SMOC1: variants seen among roughly 807,000 people sequenced by gnomAD.
The protein encoded by SMOC1 is SPARC-related modular calcium-binding protein 1.
A neutral mutation model predicts 56.3 loss-of-function variants in SMOC1; 22 were observed. That is an observed-to-expected ratio of 0.39 (90% confidence interval 0.28 to 0.56). The LOEUF (loss-of-function observed/expected upper bound fraction) is 0.56. Among genes scored for constraint, SMOC1 ranks in the 20% least tolerant of loss-of-function variants. SMOC1 has a pLI of 0.61. For synonymous variants in SMOC1, 193 were observed against 215.0 expected (o/e 0.90, Z 0.89); for missense variants, 509 against 565.4 (o/e 0.90, Z 1.01).
At chr14:69,890,184 G>C (rs1239662661) in intron 1 of SMOC1, among the ~76,000 whole-genome samples, 2 of 152,174 alleles carry the variant, frequency 1.3e-5, no homozygotes, top group African/African-American at 4.8e-5. Flanking sequence ...TTTAGGGTAG[G>C]AGCCTCTTAA....
At chr14:69,894,136 A>G (rs968703336) in intron 1 of SMOC1, among the ~76,000 whole-genome samples, 6 of 152,196 alleles carry the variant, frequency 3.9e-5, no homozygotes, top group African/African-American at 1.4e-4. Context: ...TAATACAGTG[A>G]CTTTTAGAGG....
chr14:69,970,288 T>C (rs1345732947), intron 3 of SMOC1, among the ~76,000 whole-genome samples: 2 of 152,208 alleles, frequency 1.3e-5, no homozygotes, highest in Non-Finnish European at 1.5e-5. Flanking sequence ...TCCTCCTTCC[T>C]TGAGGTCTGA....
At chr14:69,886,295 A>G (rs1051987731) in intron 1 of SMOC1, among the ~76,000 whole-genome samples, 5 of 152,226 alleles carry the variant, frequency 3.3e-5, no homozygotes. Context: ...CATTTCATGC[A>G]TGATCTGTTT....
At chr14:69,985,677 T>C (rs1884339057) in intron 5 of SMOC1, among the ~76,000 whole-genome samples, 1 of 152,232 alleles carries the variant, frequency 6.6e-6, no homozygotes, top group African/African-American at 2.4e-5. Context: ...CCCTCCCATC[T>C]GGGATGTGAA....
At chr14:69,951,560 G>A (rs1882995973) in intron 1 of SMOC1, among the ~76,000 whole-genome samples, 1 of 152,138 alleles carries the variant, frequency 6.6e-6, no homozygotes, top group African/African-American at 2.4e-5. Flanking sequence ...CCAGAGAGAG[G>A]TGGGCAAAAA....
chr14:69,960,355 G>A (rs931769037), intron 3 of SMOC1, among the ~76,000 whole-genome samples: 1 of 152,180 alleles, frequency 6.6e-6, no homozygotes, highest in Non-Finnish European at 1.5e-5. Flanking sequence ...ATGTTTCCAA[G>A]CTTCTTCAGC....
intron 6 of SMOC1, among the ~76,000 whole-genome samples, chr14:69,993,953 G>C (rs1480608696): frequency 6.6e-6 from 1 of 152,196 alleles, no homozygotes; most frequent in Admixed American, 6.5e-5. Context: ...AAGCACACAT[G>C]AGACGCACTC....
chr14:69,927,916 T>G (rs1885052923), intron 1 of SMOC1, among the ~76,000 whole-genome samples: 1 of 152,000 alleles, frequency 6.6e-6, no homozygotes, highest in African/African-American at 2.4e-5. Context: ...GTCCTGTAAC[T>G]TGAAGCTAAG....
intron 1 of SMOC1, among the ~76,000 whole-genome samples, chr14:69,930,613 G>C (rs886158321): frequency 1.3e-5 from 2 of 152,148 alleles, no homozygotes. Flanking sequence ...TCTGAGGAAG[G>C]GCCCCTGGGT....
chr14:69,907,490 A>C (rs1169214505), intron 1 of SMOC1, among the ~76,000 whole-genome samples: 1 of 152,224 alleles, frequency 6.6e-6, no homozygotes, highest in East Asian at 1.9e-4. Context: ...AGTTACACAA[A>C]AGAGAAGAAT....
At chr14:69,943,199 T>C (rs1203417536) in intron 1 of SMOC1, among the ~76,000 whole-genome samples, 1 of 152,148 alleles carries the variant, frequency 6.6e-6, no homozygotes, top group Non-Finnish European at 1.5e-5. Flanking sequence ...GAAAAGCCCT[T>C]TAATCGGGCA....
chr14:69,922,932 C>CTT (rs536127994), intron 1 of SMOC1, among the ~76,000 whole-genome samples: 3,744 of 147,590 alleles, frequency 0.025, 149 homozygotes, highest in African/African-American at 0.091. Flanking sequence ...TCTCAGCCCT[C>CTT]TTTTTTTTGT....
At chr14:69,975,128 G>C (rs570788941) in intron 3 of SMOC1, among the ~76,000 whole-genome samples, 1 of 152,282 alleles carries the variant, frequency 6.6e-6, no homozygotes, top group Middle Eastern at 3.4e-3. Flanking sequence ...TGAATCACTT[G>C]AGGTGAGGAC....
intron 11 of SMOC1, among the ~76,000 whole-genome samples, chr14:70,028,222 G>A (rs1886002506): frequency 6.6e-6 from 1 of 152,132 alleles, no homozygotes; most frequent in Admixed American, 6.5e-5. Flanking sequence ...ACCTTCACTG[G>A]GATCATTGTC....
At chr14:69,902,079 G>C (rs1237379321) in intron 1 of SMOC1, among the ~76,000 whole-genome samples, 1 of 152,162 alleles carries the variant, frequency 6.6e-6, no homozygotes, top group Non-Finnish European at 1.5e-5. Context: ...GTTTAGGAAT[G>C]GTCATGTGAC....
At chr14:69,944,013 C>T (rs1428710699) in intron 1 of SMOC1, among the ~76,000 whole-genome samples, 1 of 152,212 alleles carries the variant, frequency 6.6e-6, no homozygotes, top group Non-Finnish European at 1.5e-5. Context: ...TGCTCTACCA[C>T]TTACTGACTT....
chr14:70,017,963 G>A (rs920612439), intron 10 of SMOC1, among the ~76,000 whole-genome samples: 4 of 152,176 alleles, frequency 2.6e-5, no homozygotes, highest in Non-Finnish European at 4.4e-5. Flanking sequence ...TTCCAGCAGA[G>A]GGGACCATGT....
At chr14:69,918,970 G>C (rs562653135) in intron 1 of SMOC1, among the ~76,000 whole-genome samples, 6 of 152,138 alleles carry the variant, frequency 3.9e-5, no homozygotes, top group Non-Finnish European at 8.8e-5. Context: ...AGTGGTGATC[G>C]TGGGTTTTTT....
chr14:69,996,259 G>A (rs1296474887), intron 7 of SMOC1, among the ~76,000 whole-genome samples: 1 of 152,152 alleles, frequency 6.6e-6, no homozygotes, highest in African/African-American at 2.4e-5. Flanking sequence ...TAGCTACTTT[G>A]TTATCAGGTC....
Sources: gnomAD v4.1 joint callset for allele counts (sites outside exome capture counted in the v4.1 genomes callset) on GRCh38, gnomAD v4.1.1 for gene constraint, MANE v1.5 for transcripts, NCBI Gene and HGNC (gene_info 2026-07-23, HGNC 2026-07-21) for gene names.